Variants in FGD4 observed in about 807,000 individuals in gnomAD.
FGD4 encodes FYVE, RhoGEF and PH domain-containing protein 4.
FGD4 carries 42 observed loss-of-function variants against 102.0 expected under a neutral mutation model. The observed-to-expected ratio is 0.41, with a 90% confidence interval of 0.32 to 0.53. The LOEUF (loss-of-function observed/expected upper bound fraction) is 0.53. FGD4 is among the 20% of genes least tolerant of loss of function. The pLI is 0.21. For missense variants in FGD4, 902 were observed against 1,078.2 expected, an observed-to-expected ratio of 0.84 and a Z score of 2.29; for synonymous variants, 380 against 375.7, an observed-to-expected ratio of 1.01 and a Z score of -0.13.
intron 1 of FGD4, among the ~76,000 whole-genome samples, chr12:32,414,646 T>G (rs918979509): frequency 6.6e-6 from 1 of 152,188 alleles, no homozygotes; most frequent in African/African-American, 2.4e-5. Flanking sequence ...TTTGATTTTT[T>G]TAGCACCCAC....
In FGD4 at chr12:32,645,154, G is replaced by T. The variant is rs1951344423; in HGVS notation, c.*4621G>T. ...AATACCAAATACATAGTGACATATA[G>T]GTTTGGGAAGAAACTAGTCTGTGGG... On this transcript the variant is annotated 3_prime_UTR_variant, in exon 17 of 17. Transcript: ENST00000534526. The T allele has an allele frequency of 6.6e-6, 1 of 152,120 alleles. No individual in the cohort carries two copies. Among genetic ancestry groups the T allele is most frequent in the Non-Finnish European group, 1.5e-5 (1 of 68,034 alleles). The allele number at this position is 152,120 out of a possible 1,614,324, so 9.4% of individuals were successfully genotyped here.
chr12:32,585,129 C>T (rs1318732519), intron 4 of FGD4, among the ~76,000 whole-genome samples: 3 of 150,732 alleles, frequency 2.0e-5, no homozygotes, highest in East Asian at 2.0e-4. Flanking sequence ...GTGGGAAGAT[C>T]GCTTGAGCCT....
chr12:32,600,588 CTTTCTT>C (rs1948344576), intron 5 of FGD4: 8 of 257,830 alleles, frequency 3.1e-5, no homozygotes, highest in South Asian at 8.2e-5. Context: ...TTCTTTCTTT[CTTTCTT>C]TTTTTTTTTT....
intron 5 of FGD4, chr12:32,600,588 CTTTCTTT>C (rs1948344905): frequency 7.8e-6 from 2 of 257,836 alleles, no homozygotes; most frequent in African/African-American, 7.1e-5. Context: ...TTCTTTCTTT[CTTTCTTT>C]TTTTTTTTTT....
intron 1 of FGD4, among the ~76,000 whole-genome samples, chr12:32,431,758 G>C (rs1942052894): frequency 6.6e-6 from 1 of 150,836 alleles, no homozygotes; most frequent in Non-Finnish European, 1.5e-5. Context: ...GCGTGACAGA[G>C]CAAGATTCTG....
intron 1 of FGD4, among the ~76,000 whole-genome samples, chr12:32,463,785 T>C (rs1270382056): frequency 6.6e-6 from 1 of 152,228 alleles, no homozygotes; most frequent in Admixed American, 6.5e-5. Flanking sequence ...CACTGCCCAC[T>C]TCTTTGAAGA....
intron 1 of FGD4, among the ~76,000 whole-genome samples, chr12:32,563,331 G>A (rs1479192625): frequency 6.6e-6 from 1 of 151,772 alleles, no homozygotes; most frequent in Admixed American, 6.6e-5. Flanking sequence ...CGGGGTCGCG[G>A]CCGGGCAGGG....
At chr12:32,559,948 T>G (rs192843529) in intron 1 of FGD4, among the ~76,000 whole-genome samples, 1 of 152,324 alleles carries the variant, frequency 6.6e-6, no homozygotes, top group Non-Finnish European at 1.5e-5. Context: ...GGGTCTCAAT[T>G]TACAATTACA....
intron 1 of FGD4, among the ~76,000 whole-genome samples, chr12:32,432,440 A>G (rs1206365018): frequency 6.7e-6 from 1 of 150,262 alleles, no homozygotes; most frequent in Non-Finnish European, 1.5e-5. Context: ...ACATGGTGAA[A>G]CCCCATTTCT....
At chr12:32,471,849 T>C (rs1400071563) in intron 1 of FGD4, among the ~76,000 whole-genome samples, 1 of 152,194 alleles carries the variant, frequency 6.6e-6, no homozygotes, top group Non-Finnish European at 1.5e-5. Flanking sequence ...ACAGCATCAT[T>C]TCTGCCATGT....
At chr12:32,504,658 A>G (rs116366484) in intron 1 of FGD4, among the ~76,000 whole-genome samples, 72 of 152,306 alleles carry the variant, frequency 4.7e-4, no homozygotes, top group African/African-American at 1.4e-3. Flanking sequence ...ACAAGCTTGT[A>G]TTTATGCTTG....
At chr12:32,624,672 C>T (rs1950042613) in intron 12 of FGD4, 1 of 672,344 alleles carries the variant, frequency 1.5e-6, no homozygotes, top group East Asian at 2.8e-5. Context: ...CGAGGTTTTG[C>T]CATGCTGCCC....
chr12:32,605,913 T>C (rs1352237918), intron 7 of FGD4, among the ~76,000 whole-genome samples: 1 of 152,238 alleles, frequency 6.6e-6, no homozygotes, highest in Non-Finnish European at 1.5e-5. Flanking sequence ...GTGGTAGTTA[T>C]TGTCTAGTCA....
intron 1 of FGD4, among the ~76,000 whole-genome samples, chr12:32,428,352 G>C (rs1941920764): frequency 6.6e-6 from 1 of 152,184 alleles, no homozygotes. Flanking sequence ...GAAATTCTGA[G>C]TTGAAAATTC....
At chr12:32,572,083 T>G (rs1945717293) in intron 2 of FGD4, among the ~76,000 whole-genome samples, 1 of 152,040 alleles carries the variant, frequency 6.6e-6, no homozygotes, top group South Asian at 2.1e-4. Context: ...TGTGTGTATG[T>G]ATGTTTACAC....
At chr12:32,619,900 T>A in intron 11 of FGD4, 30 bp downstream of exon 11, 1 of 1,612,934 alleles carries the variant, frequency 6.2e-7, no homozygotes, top group Non-Finnish European at 8.5e-7. Context: ...CACACTGCTT[T>A]CCAAAATCAG....
At chr12:32,609,512 A>T in intron 8 of FGD4, among the ~76,000 whole-genome samples, 1 of 152,200 alleles carries the variant, frequency 6.6e-6, no homozygotes, top group South Asian at 2.1e-4. Context: ...CATCGCCCAC[A>T]TCAGAATAGT....
rs568282292 is a variant in FGD4 at position 32,643,674 on chromosome 12, T to A, written c.*3141T>A. The A allele has an allele frequency of 5.5e-4, 84 of 152,182 alleles. No individual in the cohort carries two copies. The highest frequency in any genetic ancestry group is 1.3e-4 in the Non-Finnish European group (9 of 67,932). 9.4% of individuals were successfully genotyped at this position (152,182 alleles called of 1,614,324 possible). Reference sequence around the variant, plus strand: ...ATATATACGCACACGTTTGGATTTTTTTTTTTTAAGAACACTTGTTCTAGT... The same window carrying A: ...ATATATACGCACACGTTTGGATTTTATTTTTTTAAGAACACTTGTTCTAGT... On this transcript the variant is annotated 3_prime_UTR_variant, in exon 17 of 17. Coordinates refer to ENST00000534526, the MANE Select transcript of FGD4 (RefSeq NM_001370298.3).
intron 15 of FGD4, among the ~76,000 whole-genome samples, chr12:32,638,075 C>T (rs1950953990): frequency 2.6e-5 from 4 of 152,148 alleles, no homozygotes; most frequent in Admixed American, 2.6e-4. Flanking sequence ...AAAGTTCAGG[C>T]TCTGTTCTGG....
Sources: gnomAD v4.1 joint callset for allele counts (sites outside exome capture counted in the v4.1 genomes callset) on GRCh38, gnomAD v4.1.1 for gene constraint, MANE v1.5 for transcripts, NCBI Gene and HGNC (gene_info 2026-07-23, HGNC 2026-07-21) for gene names.